Variants in USP34 observed in about 807,000 individuals in gnomAD.
USP34 encodes ubiquitin carboxyl-terminal hydrolase 34.
Under a neutral mutation model 460.3 loss-of-function variants are expected in USP34, and 70 were observed. The observed-to-expected ratio is 0.15, with a 90% confidence interval of 0.13 to 0.19. The LOEUF is 0.19. Among genes scored for constraint, USP34 ranks in the 10% least tolerant of loss-of-function variants. The pLI, the probability that USP34 is intolerant of heterozygous loss-of-function variation, is 1.00. For missense variants in USP34, 3,985 were observed against 4,236.2 expected (o/e 0.94, Z 1.65); for synonymous variants, 1,647 against 1,405.3 (o/e 1.17, Z -3.85).
At chr2:61,245,488 G>C (rs1340097679) in intron 50 of USP34, among the ~76,000 whole-genome samples, 200 bp from the exon 51 acceptor site, 1 of 151,182 alleles carries the variant, frequency 6.6e-6, no homozygotes, top group Non-Finnish European at 1.5e-5. Flanking sequence ...CTTATAATCA[G>C]ATAGATCCAT....
intron 3 of USP34, among the ~76,000 whole-genome samples, chr2:61,397,900 AAG>A (rs1693584576): frequency 6.6e-6 from 1 of 151,400 alleles, no homozygotes; most frequent in African/African-American, 2.4e-5. Context: ...CTTCATCTCA[AAG>A]AAAAAAAAAA....
At chr2:61,300,283 T>G (rs1690179852) in intron 29 of USP34, among the ~76,000 whole-genome samples, 1 of 151,936 alleles carries the variant, frequency 6.6e-6, no homozygotes, top group Admixed American at 6.6e-5. Flanking sequence ...CCAATTTCAT[T>G]CCTCCCATTC....
At chr2:61,435,442 G>A (rs1558592752) in intron 1 of USP34, among the ~76,000 whole-genome samples, 1 of 149,648 alleles carries the variant, frequency 6.7e-6, no homozygotes, top group Non-Finnish European at 1.5e-5. Context: ...GGGATTAACA[G>A]AGTTAAAGTA....
intron 53 of USP34, among the ~76,000 whole-genome samples, chr2:61,240,273 T>A (rs1010692064): frequency 1.3e-5 from 2 of 152,108 alleles, no homozygotes; most frequent in Non-Finnish European, 2.9e-5. Flanking sequence ...ATGAACACAT[T>A]TGTATTCCTT....
intron 22 of USP34, among the ~76,000 whole-genome samples, chr2:61,318,972 C>G (rs919821638): frequency 2.0e-5 from 3 of 151,748 alleles, no homozygotes; most frequent in Non-Finnish European, 2.9e-5. Flanking sequence ...TAAATATAAA[C>G]TATTAATTTA....
At chr2:61,460,060 T>C (rs960690097) in intron 1 of USP34, among the ~76,000 whole-genome samples, 1 of 152,082 alleles carries the variant, frequency 6.6e-6, no homozygotes, top group Non-Finnish European at 1.5e-5. Flanking sequence ...AGACTCCATC[T>C]CAGAAAAAAG....
intron 2 of USP34, among the ~76,000 whole-genome samples, chr2:61,415,420 T>C (rs1167411613): frequency 6.6e-6 from 1 of 152,188 alleles, no homozygotes; most frequent in Non-Finnish European, 1.5e-5. Context: ...TTTTGGCTCA[T>C]TGCTGAGCAA....
intron 5 of USP34, among the ~76,000 whole-genome samples, chr2:61,392,667 A>T (rs1693387005): frequency 6.6e-6 from 1 of 152,180 alleles, no homozygotes; most frequent in African/African-American, 2.4e-5. Flanking sequence ...TGTAAACGAT[A>T]ACTTTTAAAG....
At chr2:61,385,224 A>C (rs921455486) in intron 5 of USP34, among the ~76,000 whole-genome samples, 2 of 152,222 alleles carry the variant, frequency 1.3e-5, no homozygotes, top group African/African-American at 4.8e-5. Context: ...ATAATCAATT[A>C]AACAACATGT....
At chr2:61,294,164 T>C (rs1000819586) in intron 32 of USP34, among the ~76,000 whole-genome samples, 15 of 151,730 alleles carry the variant, frequency 9.9e-5, no homozygotes, top group Admixed American at 7.9e-4. Context: ...GCTAACATGG[T>C]GAAACCCCGT....
chr2:61,459,020 T>G (rs568505022), intron 1 of USP34, among the ~76,000 whole-genome samples: 2 of 152,196 alleles, frequency 1.3e-5, no homozygotes, highest in African/African-American at 2.4e-5. Context: ...GAGCCGAGAC[T>G]GCGCCACTGC....
chr2:61,364,703 C>T (rs7568692), intron 10 of USP34, among the ~76,000 whole-genome samples: 4,096 of 152,176 alleles, frequency 0.027, 192 homozygotes, highest in African/African-American at 0.094. Context: ...TCGAGACAGG[C>T]AGATCACTTC....
intron 43 of USP34, among the ~76,000 whole-genome samples, chr2:61,261,075 G>A (rs1193486327): frequency 6.6e-6 from 1 of 152,304 alleles, no homozygotes; most frequent in Middle Eastern, 3.4e-3. Context: ...GCAAAACGGT[G>A]TAAGCCCTAT....
intron 1 of USP34, among the ~76,000 whole-genome samples, chr2:61,425,438 C>A (rs894433340): frequency 6.6e-6 from 1 of 152,084 alleles, no homozygotes; most frequent in Non-Finnish European, 1.5e-5. Flanking sequence ...TAGAGCCTCT[C>A]GGTGCTGAGG....
chr2:61,435,971 T>A (rs1393345720), intron 1 of USP34, among the ~76,000 whole-genome samples: 1 of 152,026 alleles, frequency 6.6e-6, no homozygotes. Flanking sequence ...GAGGCTGCAG[T>A]AAACCAAGAT....
chr2:61,196,689 T>C (rs1348422680), intron 75 of USP34, among the ~76,000 whole-genome samples: 3 of 152,092 alleles, frequency 2.0e-5, no homozygotes, highest in Admixed American at 6.5e-5. Context: ...GTGCTTCCAA[T>C]GCCCAGCTGA....
intron 62 of USP34, among the ~76,000 whole-genome samples, chr2:61,225,812 C>G (rs1687708606): frequency 6.6e-6 from 1 of 152,116 alleles, no homozygotes; most frequent in Non-Finnish European, 1.5e-5. Flanking sequence ...ATTGTTGATT[C>G]ATTAACGTTT....
chr2:61,384,096 T>C (rs1693061170), intron 5 of USP34, among the ~76,000 whole-genome samples: 1 of 152,170 alleles, frequency 6.6e-6, no homozygotes, highest in South Asian at 2.1e-4. Flanking sequence ...GTCATTTCAG[T>C]ATCTGAAGCA....
intron 44 of USP34, among the ~76,000 whole-genome samples, 159 bp downstream of exon 44, chr2:61,259,552 T>A (rs1353799855): frequency 7.4e-6 from 1 of 135,200 alleles, no homozygotes; most frequent in Admixed American, 7.1e-5. Flanking sequence ...CATGCCTGGC[T>A]TATTTTTTTT....
Sources: gnomAD v4.1 joint callset for allele counts (sites outside exome capture counted in the v4.1 genomes callset) on GRCh38, gnomAD v4.1.1 for gene constraint, MANE v1.5 for transcripts, NCBI Gene and HGNC (gene_info 2026-07-23, HGNC 2026-07-21) for gene names.